Variants in CDC42BPA observed in about 807,000 individuals in gnomAD.
CDC42BPA encodes the protein CDC42 binding protein kinase alpha.
A neutral mutation model predicts 223.5 loss-of-function variants in CDC42BPA; 80 were observed. That is an observed-to-expected ratio of 0.36 (90% CI 0.30 to 0.43). The LOEUF is 0.43. CDC42BPA is among the 20% of genes least tolerant of loss of function. The pLI is 1.00. For synonymous variants in CDC42BPA, 694 were observed against 718.6 expected (o/e 0.97, Z 0.55); for missense variants, 1,743 against 2,099.9 (o/e 0.83, Z 3.32).
At chr1:227,177,137 A>T (rs915238758) in intron 5 of CDC42BPA, among the ~76,000 whole-genome samples, 5 of 32,342 alleles carry the variant, frequency 1.5e-4, no homozygotes, top group African/African-American at 6.6e-4. Flanking sequence ...GAAAAAAAAA[A>T]TATATATATA....
chr1:227,219,270 A>AG (rs1675414488), intron 2 of CDC42BPA: 1 of 152,278 alleles, frequency 6.6e-6, no homozygotes, highest in Non-Finnish European at 1.5e-5. Context: ...CACCTGAAGC[A>AG]GGGGTAGCAG....
intron 35 of CDC42BPA, among the ~76,000 whole-genome samples, chr1:226,997,615 C>A (rs765665340): frequency 7.9e-5 from 12 of 152,164 alleles, no homozygotes; most frequent in Non-Finnish European, 1.5e-4. Flanking sequence ...CTAAACATTG[C>A]TTTAGCTGTG....
rs574799740 is a variant in CDC42BPA, at chr1:227,256,370, C to T, written c.179-2215G>A. Among the ~76,000 whole-genome samples, 5 of 152,128 alleles carry T rather than the reference C, an allele frequency of 3.3e-5. No homozygotes were observed. The South Asian group carries it at 6.2e-4, about 19-fold the overall frequency. ...GCATTAGATAAATAACTAATGCACGCGGGGCTTAAAACACAGATGACAGGT... is the reference window on the plus strand; with the variant it reads ...GCATTAGATAAATAACTAATGCACGTGGGGCTTAAAACACAGATGACAGGT... On this transcript the variant is annotated intron_variant, in intron 1 of 36. Coordinates refer to ENST00000366766, the MANE Select transcript of CDC42BPA (RefSeq NM_001394014.1).
At chr1:227,180,147 A>C (rs916815872) in intron 5 of CDC42BPA, among the ~76,000 whole-genome samples, 18 of 152,176 alleles carry the variant, frequency 1.2e-4, no homozygotes, top group African/African-American at 4.1e-4. Context: ...CAGATGTTGC[A>C]GTGAACCAAG....
chr1:227,017,905 G>A (rs1040284921), intron 32 of CDC42BPA, among the ~76,000 whole-genome samples: 1 of 151,998 alleles, frequency 6.6e-6, no homozygotes, highest in East Asian at 1.9e-4. Flanking sequence ...AGGAGGAGGT[G>A]AGAAGAAGCC....
chr1:227,102,746 T>A (rs571992044), intron 14 of CDC42BPA, among the ~76,000 whole-genome samples: 27 of 152,000 alleles, frequency 1.8e-4, no homozygotes, highest in Admixed American at 3.9e-4. Flanking sequence ...AAATAATAGG[T>A]TTTATTGCAG....
intron 16 of CDC42BPA, among the ~76,000 whole-genome samples, chr1:227,090,806 A>G (rs1475835239): frequency 6.6e-6 from 1 of 152,130 alleles, no homozygotes; most frequent in Non-Finnish European, 1.5e-5. Context: ...GCGAGACTGT[A>G]TCAAAACAAA....
At chr1:227,132,057 C>T (rs1293604169) in intron 10 of CDC42BPA, among the ~76,000 whole-genome samples, 3 of 152,150 alleles carry the variant, frequency 2.0e-5, no homozygotes, top group Non-Finnish European at 4.4e-5. Context: ...GAAACTCTCT[C>T]TCATGTGAAA....
chr1:227,057,877 T>C (rs1007909879), intron 21 of CDC42BPA, among the ~76,000 whole-genome samples: 1 of 152,172 alleles, frequency 6.6e-6, no homozygotes, highest in Non-Finnish European at 1.5e-5. Flanking sequence ...CCCCAGAAAG[T>C]CTGCAAGGCA....
chr1:227,124,933 A>G (rs1558551576), intron 11 of CDC42BPA, among the ~76,000 whole-genome samples: 1 of 152,138 alleles, frequency 6.6e-6, no homozygotes, highest in African/African-American at 2.4e-5. Context: ...AAACAAACAT[A>G]AGACGACTCC....
At chr1:227,297,989 CAT>C (rs1205408321) in intron 1 of CDC42BPA, among the ~76,000 whole-genome samples, 15 of 134,152 alleles carry the variant, frequency 1.1e-4, no homozygotes, top group South Asian at 4.7e-4. Flanking sequence ...CACATATATA[CAT>C]ATATATACAT....
Position 227,185,163 on chromosome 1 carries a change from T to A in CDC42BPA, c.599+8623A>T, listed in dbSNP as rs530473050. Among the ~76,000 whole-genome samples, 1,048 of 144,776 alleles carry A rather than the reference T, an allele frequency of 7.2e-3. 12 individuals are homozygous for A. Among genetic ancestry groups the A allele is most frequent in the African/African-American group, 0.023 (898 of 39,240 alleles). The allele number at this position is 144,776 out of a possible 152,430, so 95.0% of individuals were successfully genotyped here. ...CATCTTTACAAGAAATTTTTTTTTTTAAAAAAACAAAGTTCTTGGTTGCTG... is the reference window on the plus strand; with the variant it reads ...CATCTTTACAAGAAATTTTTTTTTTAAAAAAAACAAAGTTCTTGGTTGCTG... On this transcript the variant is annotated intron_variant, in intron 5 of 36. Transcript: ENST00000366766.
At chr1:227,007,354 G>GTTCT (rs1217395226) in intron 34 of CDC42BPA, among the ~76,000 whole-genome samples, 1 of 152,108 alleles carries the variant, frequency 6.6e-6, no homozygotes, top group African/African-American at 2.4e-5. Context: ...TTAACCTGGT[G>GTTCT]TTCTCTCAGT....
chr1:227,125,326 A>G (rs1310596381), intron 11 of CDC42BPA, among the ~76,000 whole-genome samples: 1 of 152,052 alleles, frequency 6.6e-6, no homozygotes, highest in African/African-American at 2.4e-5. Context: ...TGGTGTCAGA[A>G]AAATGCTGGG....
intron 17 of CDC42BPA, among the ~76,000 whole-genome samples, chr1:227,074,590 C>T (rs1374692034): frequency 6.6e-6 from 1 of 152,052 alleles, no homozygotes; most frequent in Admixed American, 6.6e-5. Context: ...TTACAAAAGT[C>T]CAAGTTACTC....
chr1:227,176,871 C>G (rs1321270936), intron 5 of CDC42BPA, among the ~76,000 whole-genome samples: 3 of 151,974 alleles, frequency 2.0e-5, no homozygotes. Context: ...ATTTTCTTTT[C>G]TAGGGTATTA....
chr1:227,250,518 T>G (rs1419995967), intron 2 of CDC42BPA, among the ~76,000 whole-genome samples: 2 of 151,888 alleles, frequency 1.3e-5, no homozygotes, highest in African/African-American at 2.4e-5. Context: ...AAAAAAAGAA[T>G]GCTATGGTCA....
At chr1:227,196,396 G>A (rs1670729389) in intron 4 of CDC42BPA, among the ~76,000 whole-genome samples, 1 of 133,898 alleles carries the variant, frequency 7.5e-6, no homozygotes, top group Non-Finnish European at 1.5e-5. Flanking sequence ...CTGGAGTGCA[G>A]TGGCGTGACC....
At chr1:227,306,912 C>G (rs1692656930) in intron 1 of CDC42BPA, among the ~76,000 whole-genome samples, 1 of 152,142 alleles carries the variant, frequency 6.6e-6, no homozygotes, top group East Asian at 1.9e-4. Context: ...ATTGCATTAG[C>G]CACTCTAAGT....
Sources: allele counts gnomAD v4.1 joint callset (sites outside exome capture counted in the v4.1 genomes callset), GRCh38; gene constraint gnomAD v4.1.1; transcripts MANE v1.5; gene names NCBI Gene and HGNC (gene_info 2026-07-23, HGNC 2026-07-21).